Variants in TULP4 observed in about 807,000 individuals in gnomAD.
The protein encoded by TULP4 is tubby-related protein 4.
In TULP4, 16 loss-of-function variants were observed where a neutral mutation model predicts 129.0. That is an observed-to-expected ratio of 0.12 (90% CI 0.08 to 0.19). The LOEUF is 0.19. TULP4 is among the 10% of genes least tolerant of loss of function. TULP4 has a pLI of 1.00. For missense variants in TULP4, 1,842 were observed against 2,059.1 expected (o/e 0.89, Z 2.04); for synonymous variants, 998 against 854.0 (o/e 1.17, Z -2.94).
At chr6:158,298,739 G>A (rs1268117962) in intron 1 of TULP4, among the ~76,000 whole-genome samples, 1 of 152,066 alleles carries the variant, frequency 6.6e-6, no homozygotes, top group East Asian at 1.9e-4. Flanking sequence ...CTCTGTATAG[G>A]AGTAGTCAGG....
At chr6:158,355,286 C>A (rs1780620067) in intron 1 of TULP4, among the ~76,000 whole-genome samples, 1 of 152,078 alleles carries the variant, frequency 6.6e-6, no homozygotes, top group African/African-American at 2.4e-5. Flanking sequence ...GGGTCTTGTT[C>A]TATTACCCAA....
chr6:158,419,525 C>CA (rs1778290448), intron 2 of TULP4, among the ~76,000 whole-genome samples: 2 of 152,116 alleles, frequency 1.3e-5, no homozygotes, highest in African/African-American at 4.8e-5. Flanking sequence ...ATTTACCAAT[C>CA]AAAAGATACA....
chr6:158,421,185 C>A (rs1778330232), intron 2 of TULP4, among the ~76,000 whole-genome samples: 1 of 152,062 alleles, frequency 6.6e-6, no homozygotes, highest in South Asian at 2.1e-4. Context: ...CACGGTGAAA[C>A]CCTGTGTCTA....
At chr6:158,238,126 G>C (rs1488750646) in intron 1 of TULP4, 1 of 741,202 alleles carries the variant, frequency 1.3e-6, no homozygotes, top group Non-Finnish European at 2.5e-6. Flanking sequence ...CCTGGTTTCT[G>C]CTTTAACTCC....
intron 1 of TULP4, among the ~76,000 whole-genome samples, chr6:158,261,999 A>G (rs1778360290): frequency 6.6e-6 from 1 of 152,216 alleles, no homozygotes; most frequent in Non-Finnish European, 1.5e-5. Context: ...AGCAACAACT[A>G]CATGTGAGGC....
At chr6:158,457,511 A>G (rs1339600375) in intron 5 of TULP4, among the ~76,000 whole-genome samples, 1 of 152,174 alleles carries the variant, frequency 6.6e-6, no homozygotes, top group African/African-American at 2.4e-5. Flanking sequence ...TTCATCACGC[A>G]ATAAGCAGGG....
intron 5 of TULP4, among the ~76,000 whole-genome samples, chr6:158,456,329 C>T (rs1779290925): frequency 6.6e-6 from 1 of 152,222 alleles, no homozygotes; most frequent in African/African-American, 2.4e-5. Context: ...CTGTGGGCCA[C>T]ATGCAGCCCA....
chr6:158,293,188 A>G (rs1342492082), intron 1 of TULP4, among the ~76,000 whole-genome samples: 1 of 152,234 alleles, frequency 6.6e-6, no homozygotes, highest in Non-Finnish European at 1.5e-5. Context: ...TATAAAGTAA[A>G]TAGGGAGTAG....
intron 1 of TULP4, among the ~76,000 whole-genome samples, chr6:158,304,511 A>G (rs1779182836): frequency 6.6e-6 from 1 of 152,222 alleles, no homozygotes; most frequent in Admixed American, 6.5e-5. Flanking sequence ...GCCTGTGTTA[A>G]CAGTGCTCAG....
chr6:158,499,265 C>T (rs1780395302), intron 12 of TULP4, among the ~76,000 whole-genome samples: 1 of 152,154 alleles, frequency 6.6e-6, no homozygotes, highest in Non-Finnish European at 1.5e-5. Context: ...GCACAGAGCC[C>T]AGTTTCTCAA....
rs558287022 is a variant in TULP4, at chr6:158,247,335, A to G, written n.68+15032A>G. Among the ~76,000 whole-genome samples, 263 of 152,312 alleles carry G rather than the reference A, an allele frequency of 1.7e-3. 1 individual carries two copies. The highest frequency in any genetic ancestry group is 5.9e-3 in the African/African-American group (246 of 41,576). ...TTATGAAACATTTTTTAAGATTTTT[A>G]TGAAAGAAAGCTATGAAGTCTTACA... On this transcript the variant is annotated intron_variant and non_coding_transcript_variant, in intron 1 of 1. Coordinates refer to the TULP4 transcript ENST00000620026.
chr6:158,286,707 A>G (rs1216735352), intron 1 of TULP4, among the ~76,000 whole-genome samples: 1 of 152,226 alleles, frequency 6.6e-6, no homozygotes, highest in African/African-American at 2.4e-5. Flanking sequence ...GTAATTCAAG[A>G]CAAATTTTAT....
intron 1 of TULP4, among the ~76,000 whole-genome samples, chr6:158,400,990 TAAG>T (rs772982778): frequency 2.6e-5 from 4 of 152,182 alleles, no homozygotes; most frequent in African/African-American, 9.7e-5. Flanking sequence ...TTTTCTGGAT[TAAG>T]AAGATAAAAC....
At chr6:158,374,340 T>A (rs1229538190) in intron 1 of TULP4, among the ~76,000 whole-genome samples, 2 of 150,234 alleles carry the variant, frequency 1.3e-5, no homozygotes, top group African/African-American at 4.9e-5. Flanking sequence ...TTTCCAGGAA[T>A]TGGTAGTGTG....
chr6:158,439,664 G>A (rs1265789517), intron 3 of TULP4, among the ~76,000 whole-genome samples: 2 of 143,568 alleles, frequency 1.4e-5, no homozygotes, highest in Non-Finnish European at 3.0e-5. Flanking sequence ...AAAGAACATG[G>A]TAATCTCTCT....
rs1318172898 is a variant in TULP4 at position 158,413,561 on chromosome 6, AGCGGTCTCAT to A, written c.381+370_381+379del. ...GGTATCTTCCCTGTGTTGTCATCTC[AGCGGTCTCAT>A]GGAGAGCTTCACGTGACTTCTCACA... On this transcript the variant is annotated intron_variant, in intron 2 of 13. Coordinates refer to ENST00000367097, the MANE Select transcript of TULP4 (RefSeq NM_020245.5). This position sits in a 1 kb window ranked among gnomAD's most constrained non-coding sequence, Gnocchi z 4.9. Among the ~76,000 whole-genome samples, 46 of 152,348 alleles carry A rather than the reference AGCGGTCTCAT, an allele frequency of 3.0e-4. No homozygotes were observed. The highest frequency in any genetic ancestry group is 3.4e-3 in the Middle Eastern group (1 of 294).
At chr6:158,431,003 TA>T (rs1296877527) in intron 3 of TULP4, among the ~76,000 whole-genome samples, 1 of 151,926 alleles carries the variant, frequency 6.6e-6, no homozygotes, top group African/African-American at 2.4e-5. Context: ...AAAAGACAAA[TA>T]TTTTTTCTCT....
chr6:158,235,234 A>G (rs1359346229), intron 1 of TULP4, among the ~76,000 whole-genome samples: 2 of 152,250 alleles, frequency 1.3e-5, no homozygotes, highest in African/African-American at 2.4e-5. Context: ...CATTAAGTAT[A>G]TTCACGTTGT....
At position 158,394,786 on chromosome 6, in the gene TULP4, C is replaced by CAAAAAAAAAAAAAA. The variant is rs71030166; in HGVS notation, c.253-18264_253-18251dup. ...TGGGCAACTGAGCAAGGCTCTGTCT[C>CAAAAAAAAAAAAAA]AAAAAAAAAAAAAAAAAAAAAAAAA... On this transcript the variant is annotated intron_variant, in intron 1 of 13. Transcript: ENST00000367097. 3.0e-4 allele frequency among the ~76,000 whole-genome samples: 14 copies of CAAAAAAAAAAAAAA among 46,016 alleles called. 1 individual carries two copies. The highest frequency in any genetic ancestry group is 6.4e-4 in the African/African-American group (6 of 9,448). 30.2% of individuals were successfully genotyped at this position (46,016 alleles called of 152,430 possible). A position where few individuals can be genotyped will look rare whatever the true frequency, so the allele number is the denominator to read the frequency against.
Sources: allele counts gnomAD v4.1 joint callset (sites outside exome capture counted in the v4.1 genomes callset), GRCh38; gene constraint gnomAD v4.1.1; non-coding constraint Gnocchi (gnomAD v3.1); transcripts MANE v1.5; gene names NCBI Gene and HGNC (gene_info 2026-07-23, HGNC 2026-07-21).